The following MAK variants were observed in gnomAD, a reference collection of about 807,000 sequenced individuals.
The protein encoded by MAK is male germ cell associated kinase.
MAK carries 65 observed loss-of-function variants against 82.6 expected under a neutral mutation model. That is an observed-to-expected ratio of 0.79 (90% CI 0.64 to 0.97). MAK has a LOEUF of 0.97. Ranked by LOEUF, MAK falls within the 50% of genes least tolerant of loss-of-function variation. MAK has a pLI of 0.00. For missense variants in MAK, 703 were observed against 780.2 expected (o/e 0.90, Z 1.18); for synonymous variants, 250 against 274.2 (o/e 0.91, Z 0.87).
chr6:10,806,101 G>A (rs1027794898), intron 6 of MAK, among the ~76,000 whole-genome samples: 1 of 152,056 alleles, frequency 6.6e-6, no homozygotes, highest in Admixed American at 6.6e-5. Flanking sequence ...GTTGCTCCAC[G>A]GCAAGCTTCC....
chr6:10,814,291 T>C lies in MAK; in HGVS notation c.279-568A>G, dbSNP rs139583924. On this transcript the variant is annotated intron_variant, in intron 4 of 14. Coordinates refer to ENST00000354489, the MANE Select transcript of MAK (RefSeq NM_001242957.3). ...GCCTAAATAGCTAAATTTTAAACTGTCCCAAGAAGAGCAAAGCAAGTTGAA... is the reference window on the plus strand; with the variant it reads ...GCCTAAATAGCTAAATTTTAAACTGCCCCAAGAAGAGCAAAGCAAGTTGAA... Among the ~76,000 whole-genome samples the C allele has an allele frequency of 2.3e-3, 352 of 152,008 alleles. 1 individual carries two copies. Among genetic ancestry groups the C allele is most frequent in the South Asian group, 1.0e-2 (48 of 4,820 alleles).
intron 10 of MAK, chr6:10,784,994 AAAG>A (rs34548210): frequency 0.37 from 167,889 of 457,678 alleles, 32,476 homozygotes; most frequent in East Asian, 0.49. Context: ...TGAAATGGGG[AAAG>A]AAGTGCTAGA....
Position 10,806,986 on chromosome 6 carries a change from A to G in MAK, c.491+1824T>C, listed in dbSNP as rs142514655. Reference sequence around the variant, plus strand: ...ACTAAGACACGGACTCCTTTCTTTCAGCCCCCACATCTGATTCATTAGAAT... The same window carrying G: ...ACTAAGACACGGACTCCTTTCTTTCGGCCCCCACATCTGATTCATTAGAAT... On this transcript the variant is annotated intron_variant, in intron 6 of 14. Transcript: ENST00000354489. Among the ~76,000 whole-genome samples, 408 of 152,184 alleles carry G rather than the reference A, an allele frequency of 2.7e-3. 2 individuals carry two copies. The highest frequency in any genetic ancestry group is 4.3e-3 in the Non-Finnish European group (290 of 68,006).
rs577407486 is a variant in MAK at position 10,802,088 on chromosome 6, G to A, written c.664-29C>T. On this transcript the variant is annotated intron_variant, in intron 7 of 14. Transcript: ENST00000354489. ...TTTCAGGAATATATAAGTGCAGGTG[G>A]GGAGGGCAAAACAAATTGTTTTTAG... 9 of 1,601,556 alleles carry A rather than the reference G, an allele frequency of 5.6e-6. No individual in the cohort carries two copies. The African/African-American group carries it at 1.2e-4, about 21-fold the overall frequency.
chr6:10,791,619 G>A, intron 10 of MAK, 56 bp downstream of exon 10: 1 of 1,505,472 alleles, frequency 6.6e-7, no homozygotes. Flanking sequence ...TATTTAATGA[G>A]TAAAATAAAG....
At chr6:10,832,093 G>A (rs1287938493) in intron 1 of MAK, among the ~76,000 whole-genome samples, 2 of 152,196 alleles carry the variant, frequency 1.3e-5, no homozygotes, top group East Asian at 3.9e-4. Flanking sequence ...TGGGATTACA[G>A]GTGCCCACCC....
Position 10,813,674 on chromosome 6 carries a change from A to G in MAK, c.328T>C (p.Leu110=), listed in dbSNP as rs1256201229. ...SVIRNIMYQI[L]QGLAFIHKHG... ...TTATGGATAAAAGCCAGCCCTTGCAATATTTGATACATAATATTTCTGATG... is the reference window on the plus strand; with the variant it reads ...TTATGGATAAAAGCCAGCCCTTGCAGTATTTGATACATAATATTTCTGATG... The change falls in exon 5 of 15, where the codon TTG becomes CTG. Residue 110 remains leucine (L), a synonymous_variant. Coordinates refer to ENST00000354489, the MANE Select transcript of MAK (RefSeq NM_001242957.3). The G allele has an allele frequency of 2.5e-6, 4 of 1,605,992 alleles. No individual in the cohort carries two copies. Among genetic ancestry groups the G allele is most frequent in the Middle Eastern group, 1.6e-4 (1 of 6,070 alleles).
At chr6:10,806,080 TGA>T in intron 6 of MAK, among the ~76,000 whole-genome samples, 1 of 152,304 alleles carries the variant, frequency 6.6e-6, no homozygotes, top group Non-Finnish European at 1.5e-5. Flanking sequence ...AATTAGTTCC[TGA>T]GAGAGTGGGT....
At chr6:10,815,737 C>T (rs1349641438) in intron 4 of MAK, among the ~76,000 whole-genome samples, 2 of 151,610 alleles carry the variant, frequency 1.3e-5, no homozygotes, top group African/African-American at 2.4e-5. Flanking sequence ...GCTGAGATTA[C>T]AAGCATGAGC....
At position 10,787,698 on chromosome 6, in the gene MAK, A is replaced by C. The variant is rs138521432; in HGVS notation, c.1317-3126T>G. Among the ~76,000 whole-genome samples the C allele has an allele frequency of 9.0e-3, 1,372 of 151,966 alleles. 20 individuals carry two copies. The highest frequency in any genetic ancestry group is 0.031 in the African/African-American group (1,276 of 41,436). ...ATGGTGAAACCCTGTCTCTACTAAAAAAAATACAAAAAATTAGCCGAGTGT... is the reference window on the plus strand; with the variant it reads ...ATGGTGAAACCCTGTCTCTACTAAACAAAATACAAAAAATTAGCCGAGTGT... On this transcript the variant is annotated intron_variant, in intron 10 of 14. Transcript: ENST00000354489.
chr6:10,818,914 T>TC lies in MAK; in HGVS notation c.127dup (p.Asp43GlyfsTer2). On this transcript the variant is annotated frameshift_variant, in exon 3 of 15. Transcript: ENST00000354489. LOFTEE classifies it high-confidence loss of function. ...AACTTCTCTCAAGTTCATGCATTCATCCCAAGAATAGAACTTTCTCTTCAT... is the reference window on the plus strand; with the variant it reads ...AACTTCTCTCAAGTTCATGCATTCATCCCCAAGAATAGAACTTTCTCTTCAT... The TC allele has an allele frequency of 1.9e-6, 3 of 1,591,300 alleles. No individual in the cohort carries two copies. The highest frequency in any genetic ancestry group is 2.6e-6 in the Non-Finnish European group (3 of 1,160,008).
At chr6:10,783,852 C>A (rs1774250150) in intron 11 of MAK, among the ~76,000 whole-genome samples, 1 of 152,100 alleles carries the variant, frequency 6.6e-6, no homozygotes, top group Non-Finnish European at 1.5e-5. Flanking sequence ...AACACCATCT[C>A]TACTAAAAAT....
intron 2 of MAK, among the ~76,000 whole-genome samples, chr6:10,828,004 T>A (rs1314896675): frequency 6.6e-6 from 1 of 152,180 alleles, no homozygotes; most frequent in Non-Finnish European, 1.5e-5. Flanking sequence ...ATAAGTTTTT[T>A]AAGAAATCAA....
Position 10,793,682 on chromosome 6 carries a change from G to A in MAK, c.1144-1835C>T, listed in dbSNP as rs559623790. Reference sequence around the variant, plus strand: ...TATATAAAAATGTGTGTGTGGCGGGGCTGGGGGCTAGGTTATTCTCTTTAA... The same window carrying A: ...TATATAAAAATGTGTGTGTGGCGGGACTGGGGGCTAGGTTATTCTCTTTAA... On this transcript the variant is annotated intron_variant, in intron 9 of 14. Transcript: ENST00000354489. The surrounding 1 kb of genome is among the most constrained non-coding windows in gnomAD (Gnocchi z 4.6). Among the ~76,000 whole-genome samples, 172 of 152,288 alleles carry A rather than the reference G, an allele frequency of 1.1e-3. No individual in the cohort carries two copies. The highest frequency in any genetic ancestry group is 2.2e-3 in the Non-Finnish European group (150 of 68,022).
Position 10,764,461 on chromosome 6 carries a change from G to T in MAK, c.1938C>A (p.Gly646=), listed in dbSNP as rs1200516517. 2 of 1,613,806 alleles carry T rather than the reference G, an allele frequency of 1.2e-6. No homozygotes were observed. The highest frequency in any genetic ancestry group is 3.3e-5 in the Admixed American group (2 of 59,988). The change falls in exon 15 of 15, where the codon GGC becomes GGA. Residue 646 remains glycine (G), a synonymous_variant. Transcript: ENST00000354489. ...TTCACACCATAGACTCCTACCGGTG[G>T]CCTCCATACTTGGCCACCCAGTCTG... ...GRTDWVAKYG[G]HR
chr6:10,818,802 C>T (rs1481429431), intron 3 of MAK, 84 bp downstream of exon 3: 6 of 772,540 alleles, frequency 7.8e-6, no homozygotes, highest in African/African-American at 1.7e-5. Flanking sequence ...CAGAATGCTT[C>T]CCACAGAGAA....
chr6:10,770,887 G>A (rs971347339), intron 13 of MAK, among the ~76,000 whole-genome samples: 3 of 152,132 alleles, frequency 2.0e-5, no homozygotes, highest in African/African-American at 7.2e-5. Flanking sequence ...GAGGGAGGAT[G>A]AGGGTCTGAA....
At chr6:10,767,811 A>C (rs1581633424) in intron 14 of MAK, among the ~76,000 whole-genome samples, 1 of 151,220 alleles carries the variant, frequency 6.6e-6, no homozygotes, top group East Asian at 1.9e-4. Flanking sequence ...AAAAAAAAAA[A>C]CAAAAACAAA....
chr6:10,836,437 A>G (rs1779153677), intron 1 of MAK, among the ~76,000 whole-genome samples: 1 of 152,222 alleles, frequency 6.6e-6, no homozygotes, highest in Non-Finnish European at 1.5e-5. Context: ...TCTAATGTAG[A>G]GACATAGACA....
Sources: allele counts gnomAD v4.1 joint callset (sites outside exome capture counted in the v4.1 genomes callset), GRCh38; gene constraint gnomAD v4.1.1; non-coding constraint Gnocchi (gnomAD v3.1); transcripts MANE v1.5; gene names NCBI Gene and HGNC (gene_info 2026-07-23, HGNC 2026-07-21).